OCA2: variants seen among roughly 807,000 people sequenced by gnomAD.
The protein encoded by OCA2 is P protein.
In OCA2, 77 loss-of-function variants were observed where a neutral mutation model predicts 100.2. The ratio of observed to expected loss-of-function variants is 0.77; its 90% CI spans 0.64 to 0.93. OCA2 has a LOEUF of 0.93. Ranked by LOEUF, OCA2 falls within the 40% of genes least tolerant of loss-of-function variation. OCA2 has a pLI of 0.00. For synonymous variants in OCA2, 432 were observed against 439.2 expected (o/e 0.98, Z 0.21); for missense variants, 1,062 against 1,089.1 (o/e 0.98, Z 0.35).
chr15:27,963,863 G>C (rs967700299), intron 15 of OCA2, among the ~76,000 whole-genome samples: 5 of 152,060 alleles, frequency 3.3e-5, no homozygotes, highest in African/African-American at 1.2e-4. Context: ...CAACCAAAGA[G>C]AGAGAGAAGA....
chr15:27,750,277 A>G (rs1301680076), downstream of OCA2, among the ~76,000 whole-genome samples: 1 of 152,206 alleles, frequency 6.6e-6, no homozygotes, highest in Non-Finnish European at 1.5e-5. Flanking sequence ...ATATTGAAAA[A>G]GTTACAGAAC....
At chr15:28,024,721 A>C (rs775154861) in intron 5 of OCA2, 124 bp downstream of exon 5, 24 of 1,021,434 alleles carry the variant, frequency 2.3e-5, no homozygotes, top group Non-Finnish European at 3.6e-5. Flanking sequence ...AAAGACAGTC[A>C]GAGAATCAGG....
the OCA2 span, among the ~76,000 whole-genome samples, chr15:27,738,659 C>T: frequency 2.7e-5 from 4 of 149,254 alleles, no homozygotes; most frequent in Non-Finnish European, 5.9e-5. Flanking sequence ...GGCTTGAATC[C>T]GGGAGGCAGA....
intron 2 of OCA2, among the ~76,000 whole-genome samples, chr15:28,044,952 A>T (rs979834039): frequency 6.6e-6 from 1 of 152,178 alleles, no homozygotes; most frequent in African/African-American, 2.4e-5. Flanking sequence ...GTTCCTTTAT[A>T]AGTAGCATAT....
downstream of OCA2, among the ~76,000 whole-genome samples, chr15:27,753,855 T>C (rs1451424482): frequency 6.6e-6 from 1 of 151,596 alleles, no homozygotes. Flanking sequence ...GCCTGAGCAT[T>C]GTAGGGGATG....
intron 19 of OCA2, among the ~76,000 whole-genome samples, chr15:27,916,482 G>T (rs2038669025): frequency 6.6e-6 from 1 of 152,052 alleles, no homozygotes; most frequent in African/African-American, 2.4e-5. Flanking sequence ...TTTTAAACAT[G>T]AATTTAAAGG....
At chr15:27,835,703 A>G (rs1188917990) in intron 23 of OCA2, among the ~76,000 whole-genome samples, 3 of 152,288 alleles carry the variant, frequency 2.0e-5, no homozygotes, top group African/African-American at 7.2e-5. Flanking sequence ...GGCTCCTGGC[A>G]ATGATATGCA....
At chr15:27,913,076 A>T (rs2038457819) in intron 19 of OCA2, among the ~76,000 whole-genome samples, 1 of 152,240 alleles carries the variant, frequency 6.6e-6, no homozygotes, top group East Asian at 1.9e-4. Context: ...AAGAATTTAG[A>T]CGAAATTCAA....
At chr15:28,083,244 G>C (rs2044708810) in intron 1 of OCA2, among the ~76,000 whole-genome samples, 1 of 152,228 alleles carries the variant, frequency 6.6e-6, no homozygotes, top group Non-Finnish European at 1.5e-5. Context: ...CTACAGCTGA[G>C]TAAGCCAAGC....
chr15:28,011,313 T>G (rs1441739501), intron 9 of OCA2, among the ~76,000 whole-genome samples: 5 of 151,986 alleles, frequency 3.3e-5, no homozygotes, highest in Non-Finnish European at 7.4e-5. Flanking sequence ...AAAAAAATTT[T>G]AAAACTTAGC....
At chr15:27,861,566 G>A (rs956852705) in intron 21 of OCA2, among the ~76,000 whole-genome samples, 13 of 152,044 alleles carry the variant, frequency 8.6e-5, no homozygotes, top group African/African-American at 3.1e-4. Context: ...CAGGGAGGAG[G>A]AGTACCTGAA....
chr15:27,985,042 A>G, intron 13 of OCA2, 22 bp downstream of exon 13: 1 of 1,613,520 alleles, frequency 6.2e-7, no homozygotes, highest in Non-Finnish European at 8.5e-7. Flanking sequence ...CGCAACTCCC[A>G]CGGCAGAGGT....
chr15:27,748,766 T>G, the OCA2 span, among the ~76,000 whole-genome samples: 5,697 of 152,142 alleles, frequency 0.037, 131 homozygotes, highest in African/African-American at 0.044. Context: ...AATGATGCAA[T>G]AGGCAATGAA....
At chr15:27,862,228 G>A (rs2036161904) in intron 21 of OCA2, among the ~76,000 whole-genome samples, 1 of 151,884 alleles carries the variant, frequency 6.6e-6, no homozygotes, top group Admixed American at 6.5e-5. Flanking sequence ...CGGACAGAAA[G>A]CATGGTCGTC....
intron 23 of OCA2, among the ~76,000 whole-genome samples, chr15:27,834,048 C>T (rs2035057434): frequency 6.6e-6 from 1 of 152,178 alleles, no homozygotes. Flanking sequence ...TGTAATGAGG[C>T]AGCTCTTGGG....
intron 14 of OCA2, among the ~76,000 whole-genome samples, chr15:27,978,721 C>T (rs1330883608): frequency 6.6e-6 from 1 of 151,152 alleles, no homozygotes; most frequent in Non-Finnish European, 1.5e-5. Flanking sequence ...GAGTTTCACT[C>T]GTCACCCAGG....
intron 23 of OCA2, among the ~76,000 whole-genome samples, chr15:27,836,184 C>T (rs368027988): frequency 1.2e-3 from 176 of 152,266 alleles, no homozygotes; most frequent in African/African-American, 4.2e-3. Context: ...TGGCATTATC[C>T]TAAGGCTGAA....
intron 23 of OCA2, among the ~76,000 whole-genome samples, chr15:27,824,008 G>A (rs1482173429): frequency 6.6e-6 from 1 of 152,202 alleles, no homozygotes. Flanking sequence ...GAACCTAGCT[G>A]TTCTACTATC....
At chr15:27,973,300 A>T (rs1358110632) in intron 14 of OCA2, among the ~76,000 whole-genome samples, 1 of 152,118 alleles carries the variant, frequency 6.6e-6, no homozygotes, top group Non-Finnish European at 1.5e-5. Context: ...TTCTTCTAGA[A>T]TTTTTATGGT....
Sources: gnomAD v4.1 joint callset for allele counts (sites outside exome capture counted in the v4.1 genomes callset) on GRCh38, gnomAD v4.1.1 for gene constraint, MANE v1.5 for transcripts, NCBI Gene and HGNC (gene_info 2026-07-23, HGNC 2026-07-21) for gene names.